The following CEMIP variants were observed in gnomAD, a reference collection of about 807,000 sequenced individuals.
The protein encoded by CEMIP is cell migration inducing hyaluronidase 1, also known as cell migration-inducing and hyaluronan-binding protein.
In CEMIP, 105 loss-of-function variants were observed where a neutral mutation model predicts 156.9. That is an observed-to-expected ratio of 0.67 (90% confidence interval 0.57 to 0.79). The LOEUF (loss-of-function observed/expected upper bound fraction) is 0.79. CEMIP is among the 30% of genes least tolerant of loss of function. The pLI is 0.00. For missense variants in CEMIP, 1,457 were observed against 1,769.4 expected, an observed-to-expected ratio of 0.82 and a Z score of 3.17; for synonymous variants, 676 against 668.4, an observed-to-expected ratio of 1.01 and a Z score of -0.17.
intron 5 of CEMIP, 38 bp from the exon 6 acceptor site, chr15:80,880,862 T>C: frequency 6.5e-7 from 1 of 1,543,912 alleles, no homozygotes; most frequent in Non-Finnish European, 8.9e-7. Flanking sequence ...AGTAAAGAGA[T>C]GTGTCAGCCA....
chr15:80,810,183 A>G (rs1008450864), intron 1 of CEMIP, among the ~76,000 whole-genome samples: 8 of 152,210 alleles, frequency 5.3e-5, no homozygotes, highest in Non-Finnish European at 8.8e-5. Context: ...GATGTGCAAT[A>G]TCGTGACATT....
intron 1 of CEMIP, among the ~76,000 whole-genome samples, chr15:80,803,036 A>G (rs188983642): frequency 6.6e-6 from 1 of 152,294 alleles, no homozygotes; most frequent in African/African-American, 2.4e-5. Context: ...GGATGCCAGC[A>G]TGGTTGGGCT....
At chr15:80,896,210 CT>C in intron 12 of CEMIP, 150 bp downstream of exon 12, 1 of 804,850 alleles carries the variant, frequency 1.2e-6, no homozygotes, top group Non-Finnish European at 2.1e-6. Context: ...CATGACAGGT[CT>C]TTATTTCTTA....
chr15:80,887,849 T>C, intron 8 of CEMIP, 85 bp downstream of exon 8: 2 of 1,121,264 alleles, frequency 1.8e-6, no homozygotes, highest in Non-Finnish European at 2.7e-6. Flanking sequence ...ATCTCACTTT[T>C]CTCAGAGCAT....
rs577076610 is a variant in CEMIP, at chr15:80,834,214, C to T, written c.-175-39324C>T. 2.9e-4 allele frequency among the ~76,000 whole-genome samples: 44 copies of T among 152,314 alleles called. 1 individual carries two copies. In the South Asian group the frequency reaches 8.5e-3, roughly 29 times the overall value. ...TCTCTATGTATTCTGGATAGGAACCCTTTGTCAGTTAAATATTTTGCAAAT... is the reference window on the plus strand; with the variant it reads ...TCTCTATGTATTCTGGATAGGAACCTTTTGTCAGTTAAATATTTTGCAAAT... On this transcript the variant is annotated intron_variant, in intron 1 of 29. Transcript: ENST00000394685.
intron 1 of CEMIP, among the ~76,000 whole-genome samples, chr15:80,829,995 TGTGTGTGCGC>T (rs1486376001): frequency 2.7e-5 from 4 of 150,060 alleles, no homozygotes; most frequent in South Asian, 2.1e-4. Context: ...TGTGTGTGTG[TGTGTGTGCGC>T]GCATGTCCTT....
intron 11 of CEMIP, 37 bp downstream of exon 11, chr15:80,895,159 T>G (rs200803595): frequency 6.2e-7 from 1 of 1,613,806 alleles, no homozygotes; most frequent in Non-Finnish European, 8.5e-7. Context: ...GATGCAACTA[T>G]GGCTCGGTTC....
intron 23 of CEMIP, among the ~76,000 whole-genome samples, chr15:80,935,163 T>C (rs557063853): frequency 2.0e-5 from 3 of 152,166 alleles, no homozygotes; most frequent in Admixed American, 2.0e-4. Flanking sequence ...AGGGCCAAGA[T>C]GCTAATGGGA....
At chr15:80,924,737 G>C in intron 18 of CEMIP, 31 bp downstream of exon 18, 1 of 1,591,690 alleles carries the variant, frequency 6.3e-7, no homozygotes, top group Non-Finnish European at 8.6e-7. Context: ...CACAGTCCAC[G>C]GTGACCTTGC....
chr15:80,946,152 G>A (rs527879803), intron 28 of CEMIP: 32 of 152,300 alleles, frequency 2.1e-4, no homozygotes, highest in African/African-American at 6.7e-4. Context: ...TCATGGTAAC[G>A]ACATGGTGTT....
At chr15:80,784,578 G>A (rs73486534) in intron 1 of CEMIP, among the ~76,000 whole-genome samples, 5,235 of 152,246 alleles carry the variant, frequency 0.034, 292 homozygotes, top group African/African-American at 0.12. Flanking sequence ...GTGTTCCTTG[G>A]GGACTGCTTG....
intron 7 of CEMIP, among the ~76,000 whole-genome samples, chr15:80,885,373 G>A (rs570429625): frequency 6.6e-6 from 1 of 152,328 alleles, no homozygotes; most frequent in South Asian, 2.1e-4. Context: ...ACAGCCCAGA[G>A]ACTACTTCTT....
At chr15:80,863,358 A>G (rs1279337845) in intron 1 of CEMIP, among the ~76,000 whole-genome samples, 3 of 152,312 alleles carry the variant, frequency 2.0e-5, no homozygotes, top group South Asian at 2.1e-4. Context: ...AGTCAGTCCA[A>G]TGTTGACTGG....
chr15:80,905,239 G>A (rs530948719), intron 12 of CEMIP, among the ~76,000 whole-genome samples: 34 of 152,332 alleles, frequency 2.2e-4, no homozygotes, highest in South Asian at 1.4e-3. Context: ...AAGCCAAGCC[G>A]TGTAGGTGGT....
chr15:80,794,878 A>G (rs1896177208), intron 1 of CEMIP, among the ~76,000 whole-genome samples: 1 of 152,212 alleles, frequency 6.6e-6, no homozygotes, highest in Non-Finnish European at 1.5e-5. Context: ...AAAATAGGGG[A>G]TCTGCTACAA....
At chr15:80,890,101 T>C (rs1436297499) in intron 10 of CEMIP, among the ~76,000 whole-genome samples, 1 of 152,222 alleles carries the variant, frequency 6.6e-6, no homozygotes, top group South Asian at 2.1e-4. Flanking sequence ...ATGTTCTCAG[T>C]TGGCTCCATC....
intron 3 of CEMIP, 147 bp downstream of exon 3, chr15:80,874,120 C>G: frequency 1.4e-6 from 1 of 730,332 alleles, no homozygotes; most frequent in Non-Finnish European, 2.4e-6. Context: ...TTACTAAACT[C>G]CTTGGTCCCC....
chr15:80,936,908 G>A (rs1901148486), intron 24 of CEMIP, 23 bp downstream of exon 24: 10 of 1,608,742 alleles, frequency 6.2e-6, no homozygotes, highest in Non-Finnish European at 8.5e-6. Context: ...CCAGCCAGGA[G>A]CAGTGAGCTC....
chr15:80,949,250 C>CA lies in CEMIP; in HGVS notation c.*327dup, dbSNP rs1756089256. The CA allele has an allele frequency of 2.5e-6, 1 of 402,348 alleles. No homozygotes were observed. Among genetic ancestry groups the CA allele is most frequent in the Non-Finnish European group, 4.7e-6 (1 of 211,718 alleles). The allele number at this position is 402,348 out of a possible 1,614,324, so 24.9% of individuals were successfully genotyped here. A position where few individuals can be genotyped will look rare whatever the true frequency, so the allele number is the denominator to read the frequency against. The stretch of plus-strand genomic sequence containing the variant: ...TATCAGGAGACCTGGGTTGTGCTGA[C>CA]AGCAAAGATCCACTTTGGCAGGAGC... On this transcript the variant is annotated 3_prime_UTR_variant, in exon 30 of 30. Transcript: ENST00000394685.
Sources: allele counts gnomAD v4.1 joint callset (sites outside exome capture counted in the v4.1 genomes callset), GRCh38; gene constraint gnomAD v4.1.1; transcripts MANE v1.5; gene names NCBI Gene and HGNC (gene_info 2026-07-23, HGNC 2026-07-21).